Variants in ARHGAP15 observed in about 807,000 individuals in gnomAD.
ARHGAP15 encodes the protein rho GTPase-activating protein 15.
In ARHGAP15, 51 loss-of-function variants were observed where a neutral mutation model predicts 63.7. The ratio of observed to expected loss-of-function variants is 0.80; its 90% CI spans 0.64 to 1.01. The LOEUF is 1.01. Ranked by LOEUF, ARHGAP15 falls within the 50% of genes least tolerant of loss-of-function variation. The pLI, the probability that ARHGAP15 is intolerant of heterozygous loss-of-function variation, is 0.00. For missense variants in ARHGAP15, 560 were observed against 564.6 expected, an observed-to-expected ratio of 0.99 and a Z score of 0.08; for synonymous variants, 191 against 193.8, an observed-to-expected ratio of 0.99 and a Z score of 0.12.
At chr2:143,758,800 C>A (rs1483023430) in intron 13 of ARHGAP15, among the ~76,000 whole-genome samples, 3 of 152,072 alleles carry the variant, frequency 2.0e-5, no homozygotes, top group African/African-American at 7.2e-5. Context: ...CCAACCAGAC[C>A]AGCAGTACTG....
chr2:143,363,594 T>C (rs962230957), intron 6 of ARHGAP15, among the ~76,000 whole-genome samples: 1 of 152,214 alleles, frequency 6.6e-6, no homozygotes, highest in Non-Finnish European at 1.5e-5. Context: ...TTGCCAAGGC[T>C]TTCCTTAAGG....
At chr2:143,617,082 A>C (rs557149076) in intron 11 of ARHGAP15, among the ~76,000 whole-genome samples, 4 of 152,330 alleles carry the variant, frequency 2.6e-5, no homozygotes, top group African/African-American at 7.2e-5. Flanking sequence ...GTTTGTAGAG[A>C]AAATCATTTG....
chr2:143,542,906 CAT>C (rs1411215133), intron 10 of ARHGAP15, among the ~76,000 whole-genome samples: 45 of 144,864 alleles, frequency 3.1e-4, no homozygotes, highest in South Asian at 2.1e-3. Context: ...TATATAATAA[CAT>C]ATGATATATA....
intron 12 of ARHGAP15, among the ~76,000 whole-genome samples, chr2:143,697,576 C>T (rs554025470): frequency 8.6e-5 from 13 of 151,994 alleles, no homozygotes; most frequent in Non-Finnish European, 1.6e-4. Flanking sequence ...CTGGATATAC[C>T]GATTTTCTTA....
intron 6 of ARHGAP15, among the ~76,000 whole-genome samples, chr2:143,413,966 T>TGTGCGCGCGCGCGTGC: frequency 2.5e-5 from 3 of 117,910 alleles, no homozygotes; most frequent in African/African-American, 1.1e-4. Flanking sequence ...TGTGTGTGTG[T>TGTGCGCGCGCGCGTGC]GCGCGCTCTC....
At chr2:143,636,510 T>G (rs1680323421) in intron 12 of ARHGAP15, among the ~76,000 whole-genome samples, 1 of 152,132 alleles carries the variant, frequency 6.6e-6, no homozygotes, top group African/African-American at 2.4e-5. Flanking sequence ...TGCTCAGAGC[T>G]TCTGCGAGCT....
intron 13 of ARHGAP15, among the ~76,000 whole-genome samples, chr2:143,708,989 T>C (rs1414635855): frequency 6.6e-6 from 1 of 152,176 alleles, no homozygotes; most frequent in Non-Finnish European, 1.5e-5. Context: ...AACTACATAT[T>C]CACCTGGAAT....
At chr2:143,458,885 T>C (rs1012757267) in intron 8 of ARHGAP15, among the ~76,000 whole-genome samples, 5 of 152,192 alleles carry the variant, frequency 3.3e-5, no homozygotes, top group African/African-American at 1.2e-4. Context: ...GGTAAACTTG[T>C]CATAATGCTT....
chr2:143,459,543 G>A (rs1480005037), intron 8 of ARHGAP15, among the ~76,000 whole-genome samples: 1 of 152,042 alleles, frequency 6.6e-6, no homozygotes. Context: ...CCACTCAGGG[G>A]TGTATATAAG....
chr2:143,415,292 G>T (rs1267129281), intron 6 of ARHGAP15, among the ~76,000 whole-genome samples: 1 of 151,940 alleles, frequency 6.6e-6, no homozygotes, highest in Non-Finnish European at 1.5e-5. Flanking sequence ...AGGAAAAAAT[G>T]ACTTATGTAA....
intron 5 of ARHGAP15, chr2:143,238,229 A>C (rs952003849): frequency 1.3e-5 from 2 of 152,232 alleles, no homozygotes; most frequent in Admixed American, 1.3e-4. Flanking sequence ...TCCGCACAGC[A>C]AAAGTAACTA....
At chr2:143,673,593 C>A (rs904211448) in intron 12 of ARHGAP15, among the ~76,000 whole-genome samples, 2 of 150,800 alleles carry the variant, frequency 1.3e-5, no homozygotes, top group Non-Finnish European at 3.0e-5. Context: ...CCACCACACC[C>A]GGCCTACCAC....
chr2:143,136,923 A>G (rs975381586), intron 1 of ARHGAP15, among the ~76,000 whole-genome samples: 7 of 152,192 alleles, frequency 4.6e-5, no homozygotes, highest in African/African-American at 1.4e-4. Context: ...CTTGAATTCA[A>G]TCACTTCTTT....
intron 12 of ARHGAP15, among the ~76,000 whole-genome samples, chr2:143,674,140 T>C (rs1682708428): frequency 6.6e-6 from 1 of 152,082 alleles, no homozygotes; most frequent in African/African-American, 2.4e-5. Flanking sequence ...AAAATCCTTC[T>C]CCTAATTGTA....
intron 11 of ARHGAP15, among the ~76,000 whole-genome samples, chr2:143,597,503 G>C (rs1477372714): frequency 2.0e-5 from 3 of 152,066 alleles, no homozygotes; most frequent in Non-Finnish European, 4.4e-5. Context: ...CCAGTCGCCA[G>C]CTTGATGGAG....
chr2:143,442,669 A>C (rs1689941786), intron 8 of ARHGAP15, among the ~76,000 whole-genome samples: 1 of 152,172 alleles, frequency 6.6e-6, no homozygotes, highest in Non-Finnish European at 1.5e-5. Context: ...ATGTGTAATG[A>C]CAGATTAAGT....
intron 6 of ARHGAP15, among the ~76,000 whole-genome samples, chr2:143,400,630 A>G (rs1306046910): frequency 6.6e-6 from 1 of 152,004 alleles, no homozygotes; most frequent in African/African-American, 2.4e-5. Context: ...ATAACCAAAT[A>G]CGAAGGGAGG....
intron 6 of ARHGAP15, among the ~76,000 whole-genome samples, chr2:143,422,929 C>T (rs529996583): frequency 1.1e-4 from 17 of 152,172 alleles, no homozygotes; most frequent in South Asian, 8.3e-4. Context: ...ATATCCAAGA[C>T]TGTGCATTCT....
intron 6 of ARHGAP15, among the ~76,000 whole-genome samples, chr2:143,360,898 C>T (rs924728449): frequency 6.6e-6 from 1 of 152,160 alleles, no homozygotes; most frequent in African/African-American, 2.4e-5. Flanking sequence ...TTCTAAATTT[C>T]TCATTGCATA....
Sources: allele counts gnomAD v4.1 joint callset (sites outside exome capture counted in the v4.1 genomes callset), GRCh38; gene constraint gnomAD v4.1.1; transcripts MANE v1.5; gene names NCBI Gene and HGNC (gene_info 2026-07-23, HGNC 2026-07-21).